The following DYNLT2 variants were observed in gnomAD, a reference collection of about 807,000 sequenced individuals.
DYNLT2 encodes dynein light chain Tctex-type protein 2.
In DYNLT2, 24 loss-of-function variants were observed where a neutral mutation model predicts 24.3. The observed-to-expected ratio is 0.99, with a 90% confidence interval of 0.71 to 1.39. The LOEUF (loss-of-function observed/expected upper bound fraction) is 1.39. Among genes scored for constraint, DYNLT2 ranks in the 40% most tolerant of loss-of-function variants. The pLI is 0.00. For synonymous variants in DYNLT2, 85 were observed against 85.4 expected, an observed-to-expected ratio of 1.00 and a Z score of 0.03; for missense variants, 246 against 234.5, an observed-to-expected ratio of 1.05 and a Z score of -0.32.
chr6:169,737,082 T>C (rs759097858), downstream of DYNLT2, among the ~76,000 whole-genome samples: 7 of 152,188 alleles, frequency 4.6e-5, no homozygotes, highest in Non-Finnish European at 4.4e-5. Flanking sequence ...AACTCTGATA[T>C]CCTTTCTTCC....
the DYNLT2 span, among the ~76,000 whole-genome samples, chr6:169,730,791 AGGAGGCTGAG>A: frequency 6.6e-6 from 1 of 152,080 alleles, no homozygotes; most frequent in African/African-American, 2.4e-5. Context: ...CCAGCTACTC[AGGAGGCTGAG>A]GCATGAGAAT....
At chr6:169,734,652 G>C in the DYNLT2 span, among the ~76,000 whole-genome samples, 1 of 152,202 alleles carries the variant, frequency 6.6e-6, no homozygotes, top group Non-Finnish European at 1.5e-5. Flanking sequence ...GATCGTGGTA[G>C]ATAAGTTTTT....
At chr6:169,746,839 T>C (rs1389596342) in intron 1 of DYNLT2, among the ~76,000 whole-genome samples, 1 of 151,918 alleles carries the variant, frequency 6.6e-6, no homozygotes, top group Non-Finnish European at 1.5e-5. Context: ...TTCTGGACTG[T>C]GAACTTCACA....
In DYNLT2 at chr6:169,743,106, T is replaced by C; in HGVS notation, c.460A>G (p.Ile154Val). The C allele has an allele frequency of 6.4e-7, 1 of 1,570,876 alleles. No individual in the cohort carries two copies. Among genetic ancestry groups the C allele is most frequent in the Non-Finnish European group, 8.7e-7 (1 of 1,152,664 alleles). Residue 154 changes from isoleucine (I) to valine (V), a missense_variant, in exon 3 of 4, where the codon ATT (isoleucine) becomes GTT (valine). By Grantham distance (29) the Ile-to-Val change is conservative (BLOSUM62 3). Coordinates refer to ENST00000366774, the MANE Select transcript of DYNLT2 (RefSeq NM_174910.3). Reference sequence around the variant, plus strand: ...TTTATTGCTTGGCCAGTCTTTTGAATAAATAATACTTTTATAATGAACTTA... The same window carrying C: ...TTTATTGCTTGGCCAGTCTTTTGAACAAATAATACTTTTATAATGAACTTA... ...RYKFIIKVLF[I>V]QKTGQAINIA...
intron 1 of DYNLT2, among the ~76,000 whole-genome samples, chr6:169,744,791 T>C (rs1209441061): frequency 6.6e-6 from 1 of 152,234 alleles, no homozygotes; most frequent in Non-Finnish European, 1.5e-5. Flanking sequence ...TGATTTGATA[T>C]ATATATCAGT....
the DYNLT2 span, among the ~76,000 whole-genome samples, chr6:169,731,610 G>T: frequency 3.3e-5 from 5 of 152,054 alleles, no homozygotes; most frequent in Non-Finnish European, 7.3e-5. Flanking sequence ...ATCTCCAACA[G>T]TGCCTAGAAC....
At chr6:169,727,194 A>G in the DYNLT2 span, among the ~76,000 whole-genome samples, 2 of 152,338 alleles carry the variant, frequency 1.3e-5, no homozygotes, top group East Asian at 3.9e-4. Context: ...AAACTAAATT[A>G]AAGCAGATTA....
the DYNLT2 span, among the ~76,000 whole-genome samples, chr6:169,734,405 A>G: frequency 1.3e-5 from 2 of 152,202 alleles, no homozygotes; most frequent in Admixed American, 6.5e-5. Context: ...ATTCAATATG[A>G]TATTGGCTGT....
At chr6:169,727,296 C>T in the DYNLT2 span, among the ~76,000 whole-genome samples, 1 of 152,122 alleles carries the variant, frequency 6.6e-6, no homozygotes, top group Non-Finnish European at 1.5e-5. Context: ...AAGAGAGTAT[C>T]TGGAGAGGTG....
At chr6:169,725,928 C>G in the DYNLT2 span, 1 of 152,272 alleles carries the variant, frequency 6.6e-6, no homozygotes, top group East Asian at 1.9e-4. Context: ...TGTTACTGAT[C>G]TTTGTAGCCA....
the DYNLT2 span, among the ~76,000 whole-genome samples, chr6:169,730,879 T>A: frequency 6.6e-6 from 1 of 152,154 alleles, no homozygotes; most frequent in African/African-American, 2.4e-5. Context: ...TGTGATATTT[T>A]ATGTGAGTGA....
chr6:169,738,581 G>A (rs1789609194), downstream of DYNLT2: 1 of 152,224 alleles, frequency 6.6e-6, no homozygotes, highest in African/African-American at 2.4e-5. Context: ...ACACCACACT[G>A]CTCTTCCTTC....
At chr6:169,744,015 T>G in intron 2 of DYNLT2, 53 bp downstream of exon 2, 8 of 1,525,130 alleles carry the variant, frequency 5.2e-6, no homozygotes, top group Non-Finnish European at 7.2e-6. Flanking sequence ...TAATTTCTGT[T>G]TCTCTGTAGA....
intron 3 of DYNLT2, among the ~76,000 whole-genome samples, chr6:169,742,362 T>C (rs7772889): frequency 0.18 from 27,463 of 152,070 alleles, 3,059 homozygotes; most frequent in African/African-American, 0.3. Flanking sequence ...ATCCCTATCA[T>C]TTTATTTCCC....
At chr6:169,725,209 G>C in the DYNLT2 span, 2 of 398,836 alleles carry the variant, frequency 5.0e-6, no homozygotes, top group East Asian at 3.6e-5. Flanking sequence ...CGTACAGCTG[G>C]CCTCACGGAT....
chr6:169,725,349 A>C, the DYNLT2 span: 2 of 398,554 alleles, frequency 5.0e-6, no homozygotes, highest in Non-Finnish European at 8.8e-6. Flanking sequence ...GGGAAAGATA[A>C]AGGGATTATT....
In DYNLT2 at chr6:169,744,177, T is replaced by C; in HGVS notation, c.218A>G (p.Glu73Gly). 6.2e-7 allele frequency: 1 copy of C among 1,613,542 alleles called. No individual in the cohort carries two copies. The highest frequency in any genetic ancestry group is 8.5e-7 in the Non-Finnish European group (1 of 1,179,914). The change falls in exon 2 of 4, where the codon GAA becomes GGA. Residue 73 changes from glutamate (E) to glycine (G), a missense_variant. Glu to Gly is a moderately conservative substitution (Grantham distance 98, BLOSUM62 -2). Transcript: ENST00000366774. Reference protein sequence around the residue: ...FDDSIADIGKEWKSALAKLKF... With the variant: ...FDDSIADIGKGWKSALAKLKF... ...TAATTTTGCCAGGGCACTCTTCCAT[T>C]CTTTACCTATATCAGCAATTGAGTC...
chr6:169,745,469 G>C (rs1281978587), intron 1 of DYNLT2, among the ~76,000 whole-genome samples: 1 of 152,058 alleles, frequency 6.6e-6, no homozygotes, highest in Non-Finnish European at 1.5e-5. Context: ...TCTAGTTTTT[G>C]GGGTGTTTTT....
At chr6:169,729,263 T>C in the DYNLT2 span, among the ~76,000 whole-genome samples, 1 of 152,256 alleles carries the variant, frequency 6.6e-6, no homozygotes, top group Non-Finnish European at 1.5e-5. Context: ...TTCTACTTAC[T>C]GAACTTTTTC....
Sources: gnomAD v4.1 joint callset for allele counts (sites outside exome capture counted in the v4.1 genomes callset) on GRCh38, gnomAD v4.1.1 for gene constraint, MANE v1.5 for transcripts, NCBI Gene and HGNC (gene_info 2026-07-23, HGNC 2026-07-21) for gene names.